INPP4B: variants seen among roughly 807,000 people sequenced by gnomAD.
INPP4B encodes inositol polyphosphate-4-phosphatase type II B.
In INPP4B, 55 loss-of-function variants were observed where a neutral mutation model predicts 122.5. The ratio of observed to expected loss-of-function variants is 0.45; its 90% CI spans 0.36 to 0.56. INPP4B has a LOEUF of 0.56. INPP4B is among the 20% of genes least tolerant of loss of function. The pLI is 0.00. For missense variants in INPP4B, 1,000 were observed against 1,097.7 expected (o/e 0.91, Z 1.26); for synonymous variants, 403 against 388.7 (o/e 1.04, Z -0.43).
At chr4:142,586,034 G>C (rs1252037116) in intron 2 of INPP4B, among the ~76,000 whole-genome samples, 2 of 152,008 alleles carry the variant, frequency 1.3e-5, no homozygotes, top group Non-Finnish European at 2.9e-5. Flanking sequence ...ATTGGGCCGG[G>C]AGTGGTGGCT....
At chr4:142,596,227 A>C (rs556161627) in intron 2 of INPP4B, among the ~76,000 whole-genome samples, 1 of 152,132 alleles carries the variant, frequency 6.6e-6, no homozygotes, top group Non-Finnish European at 1.5e-5. Context: ...TTAGTCCATT[A>C]AAGATAAAAT....
intron 1 of INPP4B, among the ~76,000 whole-genome samples, chr4:142,813,906 G>T (rs527319170): frequency 6.6e-6 from 1 of 152,234 alleles, no homozygotes; most frequent in South Asian, 2.1e-4. Flanking sequence ...CATGATACTA[G>T]TTTCTCTAAT....
At chr4:142,523,658 T>C (rs1243024803) in intron 2 of INPP4B, among the ~76,000 whole-genome samples, 2 of 152,070 alleles carry the variant, frequency 1.3e-5, no homozygotes, top group Non-Finnish European at 2.9e-5. Flanking sequence ...ATGTATTATT[T>C]TTTCTTTTAT....
intron 1 of INPP4B, among the ~76,000 whole-genome samples, chr4:142,752,021 T>C (rs331962): frequency 0.23 from 35,325 of 152,014 alleles, 4,376 homozygotes; most frequent in South Asian, 0.35. Flanking sequence ...GAACATATAA[T>C]TCTATTTTAT....
At chr4:142,281,154 G>C (rs1010416146) in intron 9 of INPP4B, among the ~76,000 whole-genome samples, 9 of 151,288 alleles carry the variant, frequency 5.9e-5, no homozygotes, top group African/African-American at 1.7e-4. Flanking sequence ...AAGAGGAAAA[G>C]AGTGCTACAC....
chr4:142,492,416 T>G (rs571642455), intron 2 of INPP4B, among the ~76,000 whole-genome samples: 45 of 152,222 alleles, frequency 3.0e-4, no homozygotes, highest in African/African-American at 1.0e-3. Flanking sequence ...TGGGAAAGTT[T>G]GGAACTTCCT....
chr4:142,288,345 G>A (rs1456060357), intron 9 of INPP4B, among the ~76,000 whole-genome samples: 44 of 152,232 alleles, frequency 2.9e-4, no homozygotes, highest in Non-Finnish European at 5.9e-5. Flanking sequence ...AGCACTTTGA[G>A]AGGCCAAGGC....
rs573714693 is a variant in INPP4B at position 142,390,132 on chromosome 4, G to A, written c.372+12806C>T. 8.5e-5 allele frequency among the ~76,000 whole-genome samples: 13 copies of A among 152,098 alleles called. No homozygotes were observed. In the South Asian group the frequency reaches 1.9e-3, roughly 22 times the overall value. ...AATGTTTATGAGAATCTCACCATAC[G>A]GTCAAACTGATTAAGATAGATACAT... On this transcript the variant is annotated intron_variant, in intron 7 of 25. Coordinates refer to ENST00000262992, the MANE Select transcript of INPP4B (RefSeq NM_001101669.3).
chr4:142,395,797 A>G (rs545047863), intron 7 of INPP4B, among the ~76,000 whole-genome samples: 1 of 152,296 alleles, frequency 6.6e-6, no homozygotes, highest in South Asian at 2.1e-4. Context: ...TGAGCTAGTC[A>G]CAGAAGGATG....
At chr4:142,365,605 A>G (rs1040354390) in intron 7 of INPP4B, among the ~76,000 whole-genome samples, 3 of 152,152 alleles carry the variant, frequency 2.0e-5, no homozygotes, top group African/African-American at 7.2e-5. Context: ...ATGTGGCTAC[A>G]TCAATTAAAT....
chr4:142,355,251 T>G (rs766095262), intron 7 of INPP4B, among the ~76,000 whole-genome samples: 2 of 151,978 alleles, frequency 1.3e-5, no homozygotes, highest in Non-Finnish European at 2.9e-5. Context: ...AGTGGGAAAA[T>G]AGACTCCACC....
At chr4:142,592,177 T>C (rs12645567) in intron 2 of INPP4B, among the ~76,000 whole-genome samples, 118,258 of 152,132 alleles carry the variant, frequency 0.78, 46,977 homozygotes, top group East Asian at 0.85. Flanking sequence ...TATTTTAAAG[T>C]TGAGTTGCAG....
chr4:142,108,253 T>C, intron 22 of INPP4B, 63 bp from the exon 23 acceptor site: 1 of 815,074 alleles, frequency 1.2e-6, no homozygotes, highest in Non-Finnish European at 2.1e-6. Context: ...TAACACATTT[T>C]ACCTTTCCTT....
intron 21 of INPP4B, among the ~76,000 whole-genome samples, chr4:142,119,613 A>G (rs985138909): frequency 4.2e-5 from 6 of 143,914 alleles, no homozygotes; most frequent in Non-Finnish European, 7.6e-5. Flanking sequence ...ACTTGGACAC[A>G]GGATGGGGTA....
In INPP4B at chr4:142,138,303, G is replaced by A. The variant is rs535044567; in HGVS notation, c.1720+7537C>T. On this transcript the variant is annotated intron_variant, in intron 18 of 25. Transcript: ENST00000262992. ...TCACAAGGACAAAAAACCAAACACC[G>A]CATGTTCTCACTCATAGGTGGGAAT... Among the ~76,000 whole-genome samples the A allele has an allele frequency of 2.9e-4, 42 of 146,316 alleles. No individual in the cohort carries two copies. The East Asian group carries it at 3.5e-3, about 12-fold the overall frequency.
At chr4:142,142,472 A>G (rs185457293) in intron 18 of INPP4B, among the ~76,000 whole-genome samples, 3 of 152,228 alleles carry the variant, frequency 2.0e-5, no homozygotes, top group Admixed American at 6.5e-5. Context: ...CTGTTCTCCA[A>G]TAAAATGAAA....
intron 11 of INPP4B, among the ~76,000 whole-genome samples, chr4:142,250,626 G>A (rs1294662165): frequency 1.3e-5 from 2 of 152,108 alleles, no homozygotes; most frequent in Non-Finnish European, 2.9e-5. Flanking sequence ...TTTATATTTT[G>A]AACAGAAACA....
intron 23 of INPP4B, among the ~76,000 whole-genome samples, chr4:142,100,356 G>T (rs926210878): frequency 3.3e-5 from 5 of 151,926 alleles, no homozygotes; most frequent in East Asian, 1.9e-4. Context: ...TTCCATTCAC[G>T]GTCCCAGGTT....
Position 142,145,915 on chromosome 4 carries a change from T to A in INPP4B, c.1645A>T (p.Ser549Cys). ...TCATTGTTGCCGCCACTGCCTTCACTGCCACCATCTCTTTCAATCAGTTTG... is the reference window on the plus strand; with the variant it reads ...TCATTGTTGCCGCCACTGCCTTCACAGCCACCATCTCTTTCAATCAGTTTG... ...VDKLIERDGG[S>C]EGSGGNNDGE... The change falls in exon 18 of 26, where the codon AGT (serine) becomes TGT (cysteine). Residue 549 changes from serine to cysteine, a missense_variant. Physicochemically the swap from Ser to Cys is moderately radical, Grantham distance 112. Transcript: ENST00000262992. 6.2e-7 allele frequency: 1 copy of A among 1,613,928 alleles called. No homozygotes were observed.
Sources: allele counts gnomAD v4.1 joint callset (sites outside exome capture counted in the v4.1 genomes callset), GRCh38; gene constraint gnomAD v4.1.1; transcripts MANE v1.5; gene names NCBI Gene and HGNC (gene_info 2026-07-23, HGNC 2026-07-21).